Variants in TMEM140 observed in about 807,000 individuals in gnomAD.
TMEM140 encodes transmembrane protein 140.
For missense variants in TMEM140, 236 were observed against 228.5 expected (o/e 1.03, Z -0.21); for synonymous variants, 107 against 106.8 (o/e 1.00, Z -0.01).
At chr7:135,156,110 T>C (rs1379720287) in intron 1 of TMEM140, among the ~76,000 whole-genome samples, 1 of 152,158 alleles carries the variant, frequency 6.6e-6, no homozygotes, top group Non-Finnish European at 1.5e-5. Context: ...TGAAAAGTCC[T>C]CAATTGGTCT....
chr7:135,161,335 T>TA lies in TMEM140; in HGVS notation c.-24-3081dup, dbSNP rs2117462125. On this transcript the variant is annotated intron_variant, in intron 1 of 1. Coordinates refer to ENST00000275767, the MANE Select transcript of TMEM140 (RefSeq NM_018295.5). This position sits in a 1 kb window ranked among gnomAD's most constrained non-coding sequence, Gnocchi z 4.1. ...GCTGTTTTCAAAGCAAAACGTTTAA[T>TA]AATTTTTTTTGGAACCCCAGTGTAA... Among the ~76,000 whole-genome samples the TA allele has an allele frequency of 6.6e-6, 1 of 152,352 alleles. No homozygotes were observed. The highest frequency in any genetic ancestry group is 2.1e-4 in the South Asian group (1 of 4,828).
rs769019760 is a variant in TMEM140 at position 135,164,967 on chromosome 7, G to T, written c.526G>T (p.Glu176Ter). 6.2e-7 allele frequency: 1 copy of T among 1,604,046 alleles called. No homozygotes were observed. The highest frequency in any genetic ancestry group is 8.5e-7 in the Non-Finnish European group (1 of 1,173,194). The change falls in exon 2 of 2, where the codon GAG becomes TAG. Residue 176 changes from glutamate to a stop codon, truncating the protein, a stop_gained. Transcript: ENST00000275767. LOFTEE classifies it high-confidence loss of function. ...IAMAVFPLRA[E>*]RAESKLESC ...CATGGCTGTGTTCCCTCTGAGGGCT[G>T]AGAGGGCTGAGAGCAAGCTTGAGAG...
rs144709674 is a variant in TMEM140, at chr7:135,160,180, T to C, written c.-24-4238T>C. Reference sequence around the variant, plus strand: ...AGAAGTGTGCTGTTCAGAGTGGTTATTTCTACGACCTGAAGTATAGATGAC... The same window carrying C: ...AGAAGTGTGCTGTTCAGAGTGGTTACTTCTACGACCTGAAGTATAGATGAC... On this transcript the variant is annotated intron_variant, in intron 1 of 1. Transcript: ENST00000275767. Among the ~76,000 whole-genome samples the C allele has an allele frequency of 2.6e-4, 39 of 152,322 alleles. No individual in the cohort carries two copies. In the East Asian group the frequency reaches 7.3e-3, roughly 29 times the overall value.
Position 135,164,702 on chromosome 7 carries a change from G to A in TMEM140, c.261G>A (p.Val87=), listed in dbSNP as rs1340136534. The A allele has an allele frequency of 9.3e-6, 15 of 1,614,130 alleles. No individual in the cohort carries two copies. The highest frequency in any genetic ancestry group is 1.7e-5 in the Admixed American group (1 of 60,012). Residue 87 remains valine, a synonymous_variant, in exon 2 of 2, where the codon GTG becomes GTA. Transcript: ENST00000275767. ...RVGLGLARLG[V]YGSLVLTLFA... is the part of the protein sequence containing the mutation. ...GCCTGGGCCTGGCCAGGCTTGGCGTGTACGGGTCCCTGGTCCTCACCCTCT... is the reference window on the plus strand; with the variant it reads ...GCCTGGGCCTGGCCAGGCTTGGCGTATACGGGTCCCTGGTCCTCACCCTCT...
At chr7:135,152,001 C>G (rs1481811498) in intron 1 of TMEM140, among the ~76,000 whole-genome samples, 1 of 152,200 alleles carries the variant, frequency 6.6e-6, no homozygotes, top group Non-Finnish European at 1.5e-5. Flanking sequence ...AGGCTGGTAG[C>G]CTGGGCTTAA....
chr7:135,155,812 C>T (rs1829778370), intron 1 of TMEM140, among the ~76,000 whole-genome samples: 1 of 152,234 alleles, frequency 6.6e-6, no homozygotes, highest in African/African-American at 2.4e-5. Context: ...GATTGCACTA[C>T]TGTATTCCAG....
At position 135,165,262 on chromosome 7, in the gene TMEM140, C is replaced by T; in HGVS notation, c.*263C>T. The T allele has an allele frequency of 5.0e-6, 2 of 398,246 alleles. No individual in the cohort carries two copies. Among genetic ancestry groups the T allele is most frequent in the Non-Finnish European group, 9.4e-6 (2 of 213,310 alleles). 24.7% of individuals were successfully genotyped at this position (398,246 alleles called of 1,614,324 possible). Reference sequence around the variant, plus strand: ...TAAACCATGCAGCTCATTGTCACACCAATTCCTGCTTTAATTAATGGATCT... The same window carrying T: ...TAAACCATGCAGCTCATTGTCACACTAATTCCTGCTTTAATTAATGGATCT... On this transcript the variant is annotated 3_prime_UTR_variant, in exon 2 of 2. Coordinates refer to ENST00000275767, the MANE Select transcript of TMEM140 (RefSeq NM_018295.5).
At chr7:135,164,369 A>G in intron 1 of TMEM140, 49 bp from the exon 2 acceptor site, 1 of 1,430,290 alleles carries the variant, frequency 7.0e-7, no homozygotes, top group Admixed American at 1.8e-5. Flanking sequence ...GTCTGGACAC[A>G]GGGAACAAGC....
intron 1 of TMEM140, among the ~76,000 whole-genome samples, chr7:135,163,473 C>T (rs1830000774): frequency 6.6e-6 from 1 of 151,914 alleles, no homozygotes; most frequent in African/African-American, 2.4e-5. Context: ...TGGTGAAACC[C>T]ATCTCTACCA....
chr7:135,157,552 A>T (rs578021533), intron 1 of TMEM140, among the ~76,000 whole-genome samples: 1 of 152,322 alleles, frequency 6.6e-6, no homozygotes, highest in South Asian at 2.1e-4. Flanking sequence ...GGGCCTCCAC[A>T]TGGCTTGCTT....
Position 135,164,673 on chromosome 7 carries a change from G to C in TMEM140, c.232G>C (p.Val78Leu). The C allele has an allele frequency of 6.2e-7, 1 of 1,613,782 alleles. No homozygotes were observed. Among genetic ancestry groups the C allele is most frequent in the Non-Finnish European group, 8.5e-7 (1 of 1,179,636 alleles). ...GCTGGAAGCCCTGGGGGTGCCTCGG[G>C]TTGGCCTGGGCCTGGCCAGGCTTGG... is the stretch of plus-strand genomic sequence containing the variant. Reference protein sequence around the residue: ...PELEALGVPRVGLGLARLGVY... With the variant: ...PELEALGVPRLGLGLARLGVY... The change falls in exon 2 of 2, where the codon GTT becomes CTT. Residue 78 changes from valine (V) to leucine (L), a missense_variant. Transcript: ENST00000275767.
chr7:135,159,164 CAT>C (rs1829867120), intron 1 of TMEM140, among the ~76,000 whole-genome samples: 1 of 152,224 alleles, frequency 6.6e-6, no homozygotes, highest in Admixed American at 6.5e-5. Flanking sequence ...TCATGTTTCC[CAT>C]ATCTTTTCTG....
chr7:135,160,184 T>C (rs893819936), intron 1 of TMEM140, among the ~76,000 whole-genome samples: 2 of 152,344 alleles, frequency 1.3e-5, no homozygotes, highest in Admixed American at 6.5e-5. Flanking sequence ...TGGTTATTTC[T>C]ACGACCTGAA....
At position 135,165,795 on chromosome 7, in the gene TMEM140, T is replaced by C. The variant is rs545170804; in HGVS notation, c.*796T>C. 1.2e-5 allele frequency: 2 copies of C among 167,040 alleles called. No homozygotes were observed. Among genetic ancestry groups the C allele is most frequent in the Non-Finnish European group, 1.5e-5 (1 of 68,130 alleles). 10.3% of individuals were successfully genotyped at this position (167,040 alleles called of 1,614,324 possible). Reference sequence around the variant, plus strand: ...TTAGCACAACTTACGCATTGGGGAATTGTGTGTATTTTCTAGCACTTGTGT... The same window carrying C: ...TTAGCACAACTTACGCATTGGGGAACTGTGTGTATTTTCTAGCACTTGTGT... On this transcript the variant is annotated 3_prime_UTR_variant, in exon 2 of 2. Transcript: ENST00000275767.
At position 135,161,908 on chromosome 7, in the gene TMEM140, T is replaced by G. The variant is rs970345728; in HGVS notation, c.-24-2510T>G. 6.6e-6 allele frequency among the ~76,000 whole-genome samples: 1 copy of G among 152,206 alleles called. No homozygotes were observed. Among genetic ancestry groups the G allele is most frequent in the Admixed American group, 6.5e-5 (1 of 15,286 alleles). On this transcript the variant is annotated intron_variant, in intron 1 of 1. Transcript: ENST00000275767. The surrounding 1 kb of genome is among the most constrained non-coding windows in gnomAD (Gnocchi z 4.1). The stretch of plus-strand genomic sequence containing the variant: ...GGGCAGAACTGGGCAGACTGCCCAG[T>G]GCTGCTGAGTCCAGAGAAGCGGCAT...
Position 135,165,580 on chromosome 7 carries a change from A to G in TMEM140, c.*581A>G, listed in dbSNP as rs1830078873. The G allele has an allele frequency of 6.0e-6, 1 of 167,688 alleles. No homozygotes were observed. Among genetic ancestry groups the G allele is most frequent in the African/African-American group, 2.4e-5 (1 of 41,456 alleles). The allele number at this position is 167,688 out of a possible 1,614,324, so 10.4% of individuals were successfully genotyped here. On this transcript the variant is annotated 3_prime_UTR_variant, in exon 2 of 2. Coordinates refer to ENST00000275767, the MANE Select transcript of TMEM140 (RefSeq NM_018295.5). ...AACAAAGACAGGACACATGGGGTAC[A>G]AAGACAAGGCTTGACTGCTTCAAAG...
intron 1 of TMEM140, among the ~76,000 whole-genome samples, chr7:135,156,834 ATGT>A (rs1829805960): frequency 6.6e-6 from 1 of 152,136 alleles, no homozygotes; most frequent in African/African-American, 2.4e-5. Flanking sequence ...TAATTCCCAC[ATGT>A]TGTGAGAGGG....
intron 1 of TMEM140, among the ~76,000 whole-genome samples, chr7:135,152,218 A>G (rs923956693): frequency 6.6e-6 from 1 of 152,254 alleles, no homozygotes; most frequent in Non-Finnish European, 1.5e-5. Flanking sequence ...TGAATGGAAG[A>G]GCAGAGTCTT....
intron 1 of TMEM140, among the ~76,000 whole-genome samples, chr7:135,155,588 GGATGCTAGGCAGGGGGATTAATT>G (rs1354717550): frequency 6.6e-6 from 1 of 152,150 alleles, no homozygotes; most frequent in Non-Finnish European, 1.5e-5. Context: ...CAGTGCTTTG[GGATGCTAGGCAGGGGGATTAATT>G]GATGCCAGGC....
Sources: allele counts gnomAD v4.1 joint callset (sites outside exome capture counted in the v4.1 genomes callset), GRCh38; gene constraint gnomAD v4.1.1; non-coding constraint Gnocchi (gnomAD v3.1); transcripts MANE v1.5; gene names NCBI Gene and HGNC (gene_info 2026-07-23, HGNC 2026-07-21).